GRID1: variants seen among roughly 807,000 people sequenced by gnomAD.
GRID1 encodes the protein glutamate receptor ionotropic, delta-1.
In GRID1, 28 loss-of-function variants were observed where a neutral mutation model predicts 98.0. The ratio of observed to expected loss-of-function variants is 0.29; its 90% CI spans 0.21 to 0.39. GRID1 has a LOEUF of 0.39. GRID1 is among the 10% of genes least tolerant of loss of function. GRID1 has a pLI of 1.00. For synonymous variants in GRID1, 553 were observed against 538.5 expected, an observed-to-expected ratio of 1.03 and a Z score of -0.37; for missense variants, 1,111 against 1,340.5, an observed-to-expected ratio of 0.83 and a Z score of 2.67.
chr10:86,292,302 C>T (rs1239767930), intron 2 of GRID1, among the ~76,000 whole-genome samples: 1 of 152,264 alleles, frequency 6.6e-6, no homozygotes, highest in East Asian at 1.9e-4. Flanking sequence ...CTTCTTTGCT[C>T]ACCTGCAAGC....
intron 12 of GRID1, among the ~76,000 whole-genome samples, chr10:85,663,642 C>G (rs758120318): frequency 6.6e-6 from 1 of 152,180 alleles, no homozygotes; most frequent in Non-Finnish European, 1.5e-5. Flanking sequence ...TCTCTGCCTG[C>G]TCCTCTGAAT....
chr10:85,869,661 A>G (rs1843257356), intron 5 of GRID1, among the ~76,000 whole-genome samples: 1 of 152,172 alleles, frequency 6.6e-6, no homozygotes, highest in African/African-American at 2.4e-5. Flanking sequence ...GAATATATCC[A>G]TTCATTTATT....
chr10:85,889,137 C>T (rs574218669), intron 5 of GRID1, among the ~76,000 whole-genome samples: 12 of 152,256 alleles, frequency 7.9e-5, no homozygotes, highest in Admixed American at 3.3e-4. Context: ...TTTGGAGGGA[C>T]GGCAAATCTA....
intron 2 of GRID1, among the ~76,000 whole-genome samples, chr10:86,228,855 C>T (rs1322468077): frequency 6.6e-6 from 1 of 152,136 alleles, no homozygotes; most frequent in Non-Finnish European, 1.5e-5. Flanking sequence ...AGAGCTGGGA[C>T]CCCAGGAGGG....
At chr10:86,318,032 C>A (rs769227983) in intron 2 of GRID1, among the ~76,000 whole-genome samples, 1 of 152,188 alleles carries the variant, frequency 6.6e-6, no homozygotes, top group African/African-American at 2.4e-5. Context: ...CAAGCCACTG[C>A]CCCTGACCTG....
chr10:86,353,785 AG>A (rs1361705632), intron 2 of GRID1, among the ~76,000 whole-genome samples: 3 of 152,168 alleles, frequency 2.0e-5, no homozygotes, highest in Non-Finnish European at 4.4e-5. Flanking sequence ...GGGAGAGGTG[AG>A]TGAGGGCAGG....
chr10:85,891,830 A>C (rs193285863), intron 5 of GRID1, among the ~76,000 whole-genome samples: 2 of 152,250 alleles, frequency 1.3e-5, no homozygotes, highest in African/African-American at 4.8e-5. Flanking sequence ...TCTAATCAAA[A>C]ATTATCAGGC....
intron 12 of GRID1, among the ~76,000 whole-genome samples, chr10:85,648,448 T>A (rs1022845435): frequency 6.6e-6 from 1 of 152,194 alleles, no homozygotes; most frequent in South Asian, 2.1e-4. Context: ...GATCACTCTT[T>A]ACTTATTTCT....
At chr10:86,232,024 T>C (rs1181667774) in intron 2 of GRID1, among the ~76,000 whole-genome samples, 1 of 152,114 alleles carries the variant, frequency 6.6e-6, no homozygotes, top group African/African-American at 2.4e-5. Flanking sequence ...TCCCAGAGAC[T>C]GGGGTACCCT....
At chr10:86,235,771 A>G (rs1179673489) in intron 2 of GRID1, among the ~76,000 whole-genome samples, 1 of 152,174 alleles carries the variant, frequency 6.6e-6, no homozygotes, top group Non-Finnish European at 1.5e-5. Context: ...GGAATATCCA[A>G]TTTTGTTTAT....
intron 5 of GRID1, among the ~76,000 whole-genome samples, chr10:85,886,177 G>C (rs1213913131): frequency 2.0e-5 from 3 of 152,204 alleles, no homozygotes; most frequent in African/African-American, 7.2e-5. Context: ...GGATTTTTTA[G>C]ATGGTTTTCT....
At chr10:85,956,568 C>T (rs1407989423) in intron 4 of GRID1, among the ~76,000 whole-genome samples, 2 of 152,116 alleles carry the variant, frequency 1.3e-5, no homozygotes, top group African/African-American at 4.8e-5. Context: ...ACCATCTTGG[C>T]CTGGTTTGGG....
chr10:86,144,538 TC>T (rs1460486806), intron 3 of GRID1, among the ~76,000 whole-genome samples: 1 of 152,052 alleles, frequency 6.6e-6, no homozygotes, highest in African/African-American at 2.4e-5. Context: ...TCCCGGCCGC[TC>T]GCCCTCTCCC....
chr10:86,045,596 G>A (rs1232986371), intron 4 of GRID1, among the ~76,000 whole-genome samples: 2 of 152,168 alleles, frequency 1.3e-5, no homozygotes, highest in Non-Finnish European at 2.9e-5. Context: ...GACCCTCTGG[G>A]AGGATGAAGA....
chr10:85,857,622 G>A (rs1306581160), intron 6 of GRID1, among the ~76,000 whole-genome samples: 1 of 152,198 alleles, frequency 6.6e-6, no homozygotes, highest in Non-Finnish European at 1.5e-5. Context: ...ACTGATAACT[G>A]TTGCACAAAC....
chr10:85,922,609 G>A (rs557663939), intron 4 of GRID1, among the ~76,000 whole-genome samples: 65 of 152,274 alleles, frequency 4.3e-4, no homozygotes, highest in Admixed American at 1.4e-3. Context: ...TTGAGCTCAC[G>A]TTAAAGGCCC....
rs555749577 is a variant in GRID1, at chr10:86,063,127, T to A, written c.726+75692A>T. Among the ~76,000 whole-genome samples, 28 of 152,316 alleles carry A rather than the reference T, an allele frequency of 1.8e-4. No homozygotes were observed. In the South Asian group the frequency reaches 2.9e-3, roughly 16 times the overall value. ...GTGTCTTCACTACTGAGGGCAACAA[T>A]GCCACTCCCTCTTGTCAGAGGCAGG... On this transcript the variant is annotated intron_variant, in intron 4 of 15. Coordinates refer to ENST00000327946, the MANE Select transcript of GRID1 (RefSeq NM_017551.3).
chr10:85,828,469 T>C (rs142625291), intron 8 of GRID1, among the ~76,000 whole-genome samples: 124 of 151,106 alleles, frequency 8.2e-4, no homozygotes, highest in African/African-American at 2.8e-3. Context: ...GAAACCGAGA[T>C]GTGAAAAACC....
At chr10:85,787,864 A>G (rs1326975244) in intron 8 of GRID1, among the ~76,000 whole-genome samples, 1 of 151,254 alleles carries the variant, frequency 6.6e-6, no homozygotes, top group East Asian at 1.9e-4. Flanking sequence ...GTTTCTTTCT[A>G]CTCCCGATGC....
Sources: gnomAD v4.1 joint callset for allele counts (sites outside exome capture counted in the v4.1 genomes callset) on GRCh38, gnomAD v4.1.1 for gene constraint, MANE v1.5 for transcripts, NCBI Gene and HGNC (gene_info 2026-07-23, HGNC 2026-07-21) for gene names.